PLD5: variants seen among roughly 807,000 people sequenced by gnomAD.
PLD5 encodes the protein phospholipase D family member 5.
A neutral mutation model predicts 61.1 loss-of-function variants in PLD5; 36 were observed. The observed-to-expected ratio is 0.59, with a 90% CI of 0.45 to 0.78. The LOEUF is 0.78. Among genes scored for constraint, PLD5 ranks in the 30% least tolerant of loss-of-function variants. PLD5 has a pLI of 0.00. For synonymous variants in PLD5, 243 were observed against 242.8 expected, an observed-to-expected ratio of 1.00 and a Z score of -0.01; for missense variants, 515 against 644.4, an observed-to-expected ratio of 0.80 and a Z score of 2.17.
At chr1:242,332,215 C>T (rs954767969) in intron 2 of PLD5, among the ~76,000 whole-genome samples, 4 of 152,196 alleles carry the variant, frequency 2.6e-5, no homozygotes, top group Admixed American at 6.5e-5. Flanking sequence ...AGGACATGAA[C>T]TCATCCCTTT....
intron 1 of PLD5, among the ~76,000 whole-genome samples, chr1:242,429,402 A>T (rs6702281): frequency 0.17 from 25,393 of 151,966 alleles, 2,454 homozygotes; most frequent in African/African-American, 0.27. Context: ...TCTTTTTAAA[A>T]TTTTTTTTAA....
intron 1 of PLD5, among the ~76,000 whole-genome samples, chr1:242,464,081 G>C (rs528333099): frequency 6.6e-6 from 1 of 152,258 alleles, no homozygotes; most frequent in South Asian, 2.1e-4. Context: ...ATCTTTCGGA[G>C]CACTTCACGT....
At chr1:242,320,503 C>A (rs1285161815) in intron 2 of PLD5, among the ~76,000 whole-genome samples, 2 of 152,164 alleles carry the variant, frequency 1.3e-5, no homozygotes, top group African/African-American at 4.8e-5. Flanking sequence ...TTGCCCAGAG[C>A]AAGCAACTGA....
At chr1:242,207,798 ATT>A (rs1164780012) in intron 5 of PLD5, among the ~76,000 whole-genome samples, 2 of 85,812 alleles carry the variant, frequency 2.3e-5, no homozygotes, top group East Asian at 5.9e-4. Flanking sequence ...ATTTATATAT[ATT>A]TATATATATT....
chr1:242,117,712 G>T (rs756067069), intron 6 of PLD5, among the ~76,000 whole-genome samples: 1 of 152,064 alleles, frequency 6.6e-6, no homozygotes, highest in South Asian at 2.1e-4. Flanking sequence ...ATCAAAGGTT[G>T]CTTTTCCCAA....
intron 3 of PLD5, among the ~76,000 whole-genome samples, chr1:242,278,922 TTTCCG>T (rs1674561871): frequency 6.6e-6 from 1 of 152,232 alleles, no homozygotes; most frequent in Non-Finnish European, 1.5e-5. Context: ...AGGGGCACTC[TTTCCG>T]TGAGGTTATG....
In PLD5 at chr1:242,456,013, A is replaced by G. The variant is rs114409044; in HGVS notation, c.189+68075T>C. 3.0e-3 allele frequency among the ~76,000 whole-genome samples: 462 copies of G among 152,380 alleles called. 1 individual carries two copies. Among genetic ancestry groups the G allele is most frequent in the African/African-American group, 0.01 (435 of 41,586 alleles). On this transcript the variant is annotated intron_variant, in intron 1 of 9. Transcript: ENST00000536534. ...CTAAATTTGAACCTGTCCTTCCAGG[A>G]CATTACAAAGAAATACTTCACAGGT...
chr1:242,308,535 C>G (rs898437314), intron 2 of PLD5, among the ~76,000 whole-genome samples: 3 of 151,942 alleles, frequency 2.0e-5, no homozygotes, highest in African/African-American at 7.3e-5. Flanking sequence ...TATTACAAAT[C>G]TAGTTGTATG....
chr1:242,234,403 G>A (rs1671506101), intron 4 of PLD5, among the ~76,000 whole-genome samples: 1 of 152,088 alleles, frequency 6.6e-6, no homozygotes, highest in Non-Finnish European at 1.5e-5. Context: ...CCTGCTGCAG[G>A]ACAAAGACAG....
chr1:242,530,321 T>C, the PLD5 span, among the ~76,000 whole-genome samples: 16 of 152,238 alleles, frequency 1.1e-4, no homozygotes, highest in African/African-American at 3.4e-4. Flanking sequence ...TATGGTTTGG[T>C]CACAAGGTTT....
intron 5 of PLD5, among the ~76,000 whole-genome samples, chr1:242,126,660 C>T (rs1215860896): frequency 2.6e-5 from 4 of 152,178 alleles, no homozygotes; most frequent in Non-Finnish European, 5.9e-5. Flanking sequence ...AAAATCAACT[C>T]AAGGTGGGTC....
intron 1 of PLD5, among the ~76,000 whole-genome samples, chr1:242,414,126 G>A (rs1307922613): frequency 1.3e-5 from 2 of 152,160 alleles, no homozygotes; most frequent in East Asian, 1.9e-4. Flanking sequence ...AAATAGGAAC[G>A]CATGAGAAGG....
intron 1 of PLD5, among the ~76,000 whole-genome samples, chr1:242,511,781 A>G (rs991591454): frequency 8.5e-5 from 13 of 152,232 alleles, no homozygotes; most frequent in African/African-American, 3.1e-4. Context: ...GAAAAGGGAC[A>G]TTAATTTAAA....
chr1:242,403,118 T>A (rs1664032428), intron 1 of PLD5, among the ~76,000 whole-genome samples: 1 of 152,208 alleles, frequency 6.6e-6, no homozygotes. Flanking sequence ...ATCATCCCTT[T>A]CGGTGAGGCG....
At chr1:242,269,659 C>A (rs533596712) in intron 3 of PLD5, among the ~76,000 whole-genome samples, 1 of 151,816 alleles carries the variant, frequency 6.6e-6, no homozygotes, top group East Asian at 1.9e-4. Flanking sequence ...CTATCTTTGG[C>A]TAAGCAAAGG....
At chr1:242,254,308 T>C (rs1185731595) in intron 4 of PLD5, among the ~76,000 whole-genome samples, 2 of 147,354 alleles carry the variant, frequency 1.4e-5, no homozygotes, top group Non-Finnish European at 3.0e-5. Context: ...AATTTAATTC[T>C]CATAGCTCTC....
At chr1:242,163,268 C>G (rs898479035) in intron 5 of PLD5, among the ~76,000 whole-genome samples, 1 of 151,810 alleles carries the variant, frequency 6.6e-6, no homozygotes, top group African/African-American at 2.4e-5. Context: ...CTCAGCCTCC[C>G]GAGTAGCTGG....
chr1:242,300,220 C>T (rs1472003927), intron 2 of PLD5, among the ~76,000 whole-genome samples: 6 of 152,102 alleles, frequency 3.9e-5, no homozygotes, highest in Admixed American at 1.3e-4. Context: ...GGGTGGATCA[C>T]CTGAGGTCAG....
chr1:242,365,958 C>T (rs1661319328), intron 1 of PLD5: 1 of 152,156 alleles, frequency 6.6e-6, no homozygotes, highest in Admixed American at 6.6e-5. Flanking sequence ...AAAACCTTCC[C>T]ACAGTAAAAA....
Sources: gnomAD v4.1 joint callset for allele counts (sites outside exome capture counted in the v4.1 genomes callset) on GRCh38, gnomAD v4.1.1 for gene constraint, MANE v1.5 for transcripts, NCBI Gene and HGNC (gene_info 2026-07-23, HGNC 2026-07-21) for gene names.